SLC30A7: variants seen among roughly 807,000 people sequenced by gnomAD.
SLC30A7 encodes the protein zinc transporter 7.
Under a neutral mutation model 46.0 loss-of-function variants are expected in SLC30A7, and 35 were observed. The observed-to-expected ratio is 0.76, with a 90% CI of 0.58 to 1.01. The LOEUF is 1.01. SLC30A7 is among the 50% of genes least tolerant of loss of function. The pLI is 0.00. For missense variants in SLC30A7, 464 were observed against 451.1 expected, an observed-to-expected ratio of 1.03 and a Z score of -0.26; for synonymous variants, 147 against 157.8, an observed-to-expected ratio of 0.93 and a Z score of 0.51.
intron 5 of SLC30A7, among the ~76,000 whole-genome samples, chr1:100,912,660 C>CA (rs1349428412): frequency 6.6e-6 from 1 of 150,842 alleles, no homozygotes; most frequent in Non-Finnish European, 1.5e-5. Context: ...CCCATCTCTA[C>CA]AAAAAAATAC....
At chr1:100,921,942 TTTGC>T (rs1214072518) in intron 8 of SLC30A7, 101 bp downstream of exon 8, 10 of 1,039,042 alleles carry the variant, frequency 9.6e-6, no homozygotes, top group South Asian at 7.9e-5. Context: ...TTGGTTTTCC[TTTGC>T]TTGCTTTTTT....
At chr1:100,918,176 T>G in intron 7 of SLC30A7, 49 bp downstream of exon 7, 2 of 1,493,680 alleles carry the variant, frequency 1.3e-6, no homozygotes, top group Non-Finnish European at 1.9e-6. Flanking sequence ...ACTGCTTTTA[T>G]AGTTTTGAAG....
chr1:100,955,927 C>G (rs1655195798), intron 8 of SLC30A7, among the ~76,000 whole-genome samples: 1 of 152,024 alleles, frequency 6.6e-6, no homozygotes, highest in Non-Finnish European at 1.5e-5. Flanking sequence ...GAAATTCTTG[C>G]ATTATTTTTA....
At chr1:100,914,257 A>C (rs946293815) in intron 6 of SLC30A7, among the ~76,000 whole-genome samples, 1 of 152,202 alleles carries the variant, frequency 6.6e-6, no homozygotes, top group East Asian at 1.9e-4. Context: ...ACAAATTGAC[A>C]ATAGTCACTC....
At chr1:100,925,972 A>G (rs991923331) in intron 8 of SLC30A7, among the ~76,000 whole-genome samples, 1 of 152,150 alleles carries the variant, frequency 6.6e-6, no homozygotes, top group African/African-American at 2.4e-5. Context: ...TTCCTGGAAG[A>G]TATCCCTCAG....
Position 100,966,242 on chromosome 1 carries a change from A to G in SLC30A7, c.1083+324A>G, listed in dbSNP as rs12033919. 3.3e-5 allele frequency among the ~76,000 whole-genome samples: 5 copies of G among 151,242 alleles called. No individual in the cohort carries two copies. In the East Asian group the frequency reaches 9.7e-4, roughly 29 times the overall value. On this transcript the variant is annotated intron_variant, in intron 10 of 10. Transcript: ENST00000357650. Reference sequence around the variant, plus strand: ...CCTGTCTCAAAAAAAAAAAATTGCCATTTAACATAATAAATATATATACTA... The same window carrying G: ...CCTGTCTCAAAAAAAAAAAATTGCCGTTTAACATAATAAATATATATACTA...
the SLC30A7 span, among the ~76,000 whole-genome samples, chr1:100,994,808 T>C: frequency 2.6e-5 from 4 of 152,298 alleles, no homozygotes; most frequent in African/African-American, 9.6e-5. Context: ...ACTACAGGCA[T>C]GAACAACCGC....
the SLC30A7 span, among the ~76,000 whole-genome samples, chr1:100,991,726 T>A: frequency 7.2e-6 from 1 of 139,836 alleles, no homozygotes; most frequent in Non-Finnish European, 1.5e-5. Context: ...GAGGCAGAGG[T>A]TGCAGTGAGC....
Position 100,906,871 on chromosome 1 carries a change from T to C in SLC30A7, c.202T>C (p.Ser68Pro). 1 of 1,613,176 alleles carries C rather than the reference T, an allele frequency of 6.2e-7. No individual in the cohort carries two copies. The highest frequency in any genetic ancestry group is 8.5e-7 in the Non-Finnish European group (1 of 1,179,318). Residue 68 changes from serine to proline, a missense_variant, in exon 3 of 11, where the codon TCT becomes CCT. Ser to Pro is a moderately conservative substitution (Grantham distance 74). Transcript: ENST00000357650. ...TTCCAGCTTAGGCTTGATTTCCGACTCTTTTCACATGTTTTTCGATAGCAC... is the reference window on the plus strand; with the variant it reads ...TTCCAGCTTAGGCTTGATTTCCGACCCTTTTCACATGTTTTTCGATAGCAC... ...WSNCLGLISD[S>P]FHMFFDSTAI...
Position 100,921,725 on chromosome 1 carries a change from A to G in SLC30A7, c.726A>G (p.Leu242=), listed in dbSNP as rs768341756. Residue 242 remains leucine, a synonymous_variant, in exon 8 of 11, where the codon CTA becomes CTG. Coordinates refer to ENST00000357650, the MANE Select transcript of SLC30A7 (RefSeq NM_133496.5). ...TTCTAGGTGTATTTTTACATATCCT[A>G]GCAGATACACTTGGAAGTATTGGTG... ...QILQGVFLHI[L]ADTLGSIGVI... 2.3e-5 allele frequency: 37 copies of G among 1,611,782 alleles called. No individual in the cohort carries two copies. Among genetic ancestry groups the G allele is most frequent in the Non-Finnish European group, 2.8e-5 (33 of 1,178,650 alleles).
chr1:100,897,733 T>C (rs1651056415), intron 2 of SLC30A7, among the ~76,000 whole-genome samples: 1 of 152,158 alleles, frequency 6.6e-6, no homozygotes, highest in South Asian at 2.1e-4. Flanking sequence ...GTCAATTCAG[T>C]TCTATAAAAA....
At chr1:100,913,185 A>C (rs1036142114) in intron 5 of SLC30A7, among the ~76,000 whole-genome samples, 3 of 152,158 alleles carry the variant, frequency 2.0e-5, no homozygotes, top group Non-Finnish European at 4.4e-5. Context: ...CTGTTACCAA[A>C]TGCAGCAGCT....
At chr1:100,990,653 G>C in the SLC30A7 span, 1 of 1,601,198 alleles carries the variant, frequency 6.2e-7, no homozygotes, top group East Asian at 2.2e-5. Context: ...AAAAGATACT[G>C]CTATTCAATT....
intron 10 of SLC30A7, among the ~76,000 whole-genome samples, chr1:100,973,881 T>C (rs1656304889): frequency 6.6e-6 from 1 of 152,118 alleles, no homozygotes; most frequent in Admixed American, 6.6e-5. Context: ...GAGAATTGGA[T>C]ATTAATGTAA....
At chr1:100,898,575 T>A (rs928584864) in intron 2 of SLC30A7, among the ~76,000 whole-genome samples, 6 of 151,978 alleles carry the variant, frequency 3.9e-5, no homozygotes, top group African/African-American at 1.4e-4. Flanking sequence ...TTTATGTTAA[T>A]CTCCAGATCT....
intron 8 of SLC30A7, among the ~76,000 whole-genome samples, chr1:100,938,193 G>A (rs1654086939): frequency 6.6e-6 from 1 of 152,122 alleles, no homozygotes; most frequent in South Asian, 2.1e-4. Flanking sequence ...TTTCAAGATT[G>A]TTTTGACTAT....
At chr1:100,935,432 T>C (rs549639237) in intron 8 of SLC30A7, among the ~76,000 whole-genome samples, 120 of 152,350 alleles carry the variant, frequency 7.9e-4, no homozygotes, top group African/African-American at 2.8e-3. Context: ...TGGTGAAGTG[T>C]GTCTTCTGCC....
chr1:100,915,554 A>C (rs1315612418), intron 6 of SLC30A7, among the ~76,000 whole-genome samples: 1 of 152,130 alleles, frequency 6.6e-6, no homozygotes, highest in Non-Finnish European at 1.5e-5. Flanking sequence ...TGTCTGGCTT[A>C]TTTCACTTAG....
chr1:100,968,069 T>C (rs1051759681), intron 10 of SLC30A7, among the ~76,000 whole-genome samples: 4 of 152,284 alleles, frequency 2.6e-5, no homozygotes, highest in African/African-American at 9.6e-5. Flanking sequence ...TAAATACATA[T>C]GTAGAGAGAT....
Sources: allele counts gnomAD v4.1 joint callset (sites outside exome capture counted in the v4.1 genomes callset), GRCh38; gene constraint gnomAD v4.1.1; transcripts MANE v1.5; gene names NCBI Gene and HGNC (gene_info 2026-07-23, HGNC 2026-07-21).